Variants in LRP5 observed in about 807,000 individuals in gnomAD.
The protein encoded by LRP5 is LDL receptor related protein 5.
In LRP5, 62 loss-of-function variants were observed where a neutral mutation model predicts 154.1. That is an observed-to-expected ratio of 0.40 (90% CI 0.33 to 0.50). The LOEUF (loss-of-function observed/expected upper bound fraction) is 0.50. Ranked by LOEUF, LRP5 falls within the 20% of genes least tolerant of loss-of-function variation. The pLI is 0.55. For synonymous variants in LRP5, 966 were observed against 1,011.5 expected (o/e 0.96, Z 0.85); for missense variants, 1,915 against 2,336.7 (o/e 0.82, Z 3.72).
At chr11:68,403,808 G>T in intron 8 of LRP5, 109 bp downstream of exon 8, 1 of 1,296,860 alleles carries the variant, frequency 7.7e-7, no homozygotes, top group Non-Finnish European at 1.1e-6. Context: ...CCCCGACCTG[G>T]GGAAGGGCAG....
chr11:68,344,823 G>T (rs1356923672), intron 1 of LRP5, among the ~76,000 whole-genome samples: 2 of 115,424 alleles, frequency 1.7e-5, no homozygotes, highest in Non-Finnish European at 3.5e-5. Context: ...TTTCATCCAT[G>T]TTGTAGCATG....
rs553810167 is a variant in LRP5 at position 68,339,748 on chromosome 11, T to C, written c.92-8099T>C. 5.9e-5 allele frequency among the ~76,000 whole-genome samples: 9 copies of C among 152,334 alleles called. No individual in the cohort carries two copies. The South Asian group carries it at 1.9e-3, about 32-fold the overall frequency. On this transcript the variant is annotated intron_variant, in intron 1 of 22. Coordinates refer to ENST00000294304, the MANE Select transcript of LRP5 (RefSeq NM_002335.4). ...TTTATCCGTTCATCGGTTATGGACA[T>C]TTGAGCTGTTTCCATGTTTTGGCTT...
chr11:68,398,038 T>C (rs918657227), intron 7 of LRP5, among the ~76,000 whole-genome samples: 131 of 146,716 alleles, frequency 8.9e-4, no homozygotes, highest in Non-Finnish European at 1.2e-3. Flanking sequence ...GTATAAGATC[T>C]TTTTTTATTA....
chr11:68,403,798 C>T, intron 8 of LRP5, 99 bp downstream of exon 8: 1 of 1,435,560 alleles, frequency 7.0e-7, no homozygotes. Flanking sequence ...AGCTCAGGTG[C>T]CCCGACCTGG....
At chr11:68,372,387 GTGT>G (rs368145732) in intron 5 of LRP5, among the ~76,000 whole-genome samples, 634 of 7,156 alleles carry the variant, frequency 0.089, no homozygotes, top group African/African-American at 0.15. Context: ...GACCGTGGTG[GTGT>G]TGAGGAGGTG....
intron 11 of LRP5, among the ~76,000 whole-genome samples, chr11:68,411,841 G>A (rs1339712524): frequency 2.0e-5 from 3 of 152,210 alleles, no homozygotes; most frequent in Non-Finnish European, 2.9e-5. Context: ...AGAGGCTCTG[G>A]TGACAGCTGT....
At chr11:68,299,673 C>T in the LRP5 span, among the ~76,000 whole-genome samples, 1 of 149,516 alleles carries the variant, frequency 6.7e-6, no homozygotes, top group Non-Finnish European at 1.5e-5. Context: ...GCCTCCAGGT[C>T]ATGGGTTCAA....
chr11:68,304,169 TCCAGGCACAGG>T, the LRP5 span, among the ~76,000 whole-genome samples: 147 of 152,238 alleles, frequency 9.7e-4, no homozygotes, highest in Middle Eastern at 3.2e-3. Context: ...GGTTTCATTG[TCCAGGCACAGG>T]GCCCTGCTGC....
At chr11:68,384,810 G>A (rs1390692289) in intron 5 of LRP5, among the ~76,000 whole-genome samples, 1 of 152,174 alleles carries the variant, frequency 6.6e-6, no homozygotes, top group Non-Finnish European at 1.5e-5. Flanking sequence ...CCACTTGAGG[G>A]CCATGGCTGA....
At chr11:68,439,984 GCCACCGGAGGC>G in intron 21 of LRP5, 68 bp downstream of exon 21, 1 of 1,397,764 alleles carries the variant, frequency 7.2e-7, no homozygotes, top group South Asian at 1.5e-5. Flanking sequence ...GTCAGTGCTG[GCCACCGGAGGC>G]TTCCCGGGTT....
intron 21 of LRP5, among the ~76,000 whole-genome samples, chr11:68,441,991 C>T (rs2098678433): frequency 6.6e-6 from 1 of 152,220 alleles, no homozygotes; most frequent in Admixed American, 6.5e-5. Context: ...AGACTCCGCC[C>T]CCATGACGCC....
At chr11:68,363,993 CGGGGGCGCGGGGCAGGGGAGT>C in intron 4 of LRP5, 50 bp downstream of exon 4, 1 of 78,404 alleles carries the variant, frequency 1.3e-5, no homozygotes. Flanking sequence ...CTGGGGGGAG[CGGGGGCGCGGGGCAGGGGAGT>C]GGGAGGATGC....
upstream of LRP5, among the ~76,000 whole-genome samples, chr11:68,311,239 G>A (rs745398578): frequency 6.6e-6 from 1 of 152,134 alleles, no homozygotes; most frequent in Non-Finnish European, 1.5e-5. Context: ...GTGCATTCTC[G>A]ATTCCTCTTC....
chr11:68,355,229 G>A (rs923478786), intron 2 of LRP5, among the ~76,000 whole-genome samples: 11 of 152,184 alleles, frequency 7.2e-5, no homozygotes, highest in Non-Finnish European at 1.5e-4. Context: ...AGAGGGCAAA[G>A]CGGGGCTTGT....
intron 3 of LRP5, among the ~76,000 whole-genome samples, chr11:68,363,546 A>G (rs1471624172): frequency 2.0e-5 from 3 of 151,780 alleles, no homozygotes; most frequent in African/African-American, 7.3e-5. Context: ...GATCCCAGCT[A>G]CTCGGGAGGC....
At chr11:68,443,585 A>ATT (rs1219762322) in intron 21 of LRP5, among the ~76,000 whole-genome samples, 57 of 24,832 alleles carry the variant, frequency 2.3e-3, no homozygotes, top group East Asian at 7.8e-3. Flanking sequence ...ATATATATAT[A>ATT]TTTTTTTTTT....
At chr11:68,335,073 G>A (rs938568087) in intron 1 of LRP5, among the ~76,000 whole-genome samples, 3 of 136,196 alleles carry the variant, frequency 2.2e-5, no homozygotes, top group Non-Finnish European at 4.8e-5. Flanking sequence ...ACCTGACCTG[G>A]CTTTTTTTTT....
chr11:68,406,853 G>A lies in LRP5; in HGVS notation c.2091+40G>A, dbSNP rs201374462. On this transcript the variant is annotated intron_variant, in intron 9 of 22. Transcript: ENST00000294304. ...AACGTGCACACAGGCAGCCTTTATG[G>A]GAAAACCTTGCCTCTGTTCCTGCCT... The A allele has an allele frequency of 1.1e-5, 17 of 1,604,268 alleles. No homozygotes were observed. In the East Asian group the frequency reaches 3.4e-4, roughly 32 times the overall value.
chr11:68,399,100 C>T lies in LRP5; in HGVS notation c.1585-4383C>T, dbSNP rs537571738. Among the ~76,000 whole-genome samples, 8 of 151,984 alleles carry T rather than the reference C, an allele frequency of 5.3e-5. No homozygotes were observed. The South Asian group carries it at 1.5e-3, about 28-fold the overall frequency. ...ATTTGGGAGGCTGAGGTGGGAGGATCGCTTAAGCCCAGGAGTTTGAGGCTG... is the reference window on the plus strand; with the variant it reads ...ATTTGGGAGGCTGAGGTGGGAGGATTGCTTAAGCCCAGGAGTTTGAGGCTG... On this transcript the variant is annotated intron_variant, in intron 7 of 22. Transcript: ENST00000294304.
Sources: allele counts gnomAD v4.1 joint callset (sites outside exome capture counted in the v4.1 genomes callset), GRCh38; gene constraint gnomAD v4.1.1; transcripts MANE v1.5; gene names NCBI Gene and HGNC (gene_info 2026-07-23, HGNC 2026-07-21).